MAP3K5: variants seen among roughly 807,000 people sequenced by gnomAD.
The protein encoded by MAP3K5 is mitogen-activated protein kinase kinase kinase 5.
In MAP3K5, 56 loss-of-function variants were observed where a neutral mutation model predicts 158.7. The ratio of observed to expected loss-of-function variants is 0.35; its 90% CI spans 0.28 to 0.44. MAP3K5 has a LOEUF of 0.44. MAP3K5 is among the 20% of genes least tolerant of loss of function. The pLI, the probability that MAP3K5 is intolerant of heterozygous loss-of-function variation, is 1.00. For missense variants in MAP3K5, 1,294 were observed against 1,674.8 expected (o/e 0.77, Z 3.97); for synonymous variants, 579 against 601.7 (o/e 0.96, Z 0.55).
chr6:136,642,282 C>G (rs1778017371), intron 12 of MAP3K5, among the ~76,000 whole-genome samples: 1 of 152,002 alleles, frequency 6.6e-6, no homozygotes, highest in Non-Finnish European at 1.5e-5. Context: ...CACATTGACC[C>G]CACAGTTACA....
At chr6:136,743,842 T>C (rs1782818957) in intron 1 of MAP3K5, among the ~76,000 whole-genome samples, 1 of 152,178 alleles carries the variant, frequency 6.6e-6, no homozygotes. Context: ...AGACAATTCA[T>C]TATTATTTAG....
At chr6:136,654,949 A>G (rs1394679344) in intron 10 of MAP3K5, among the ~76,000 whole-genome samples, 1 of 152,100 alleles carries the variant, frequency 6.6e-6, no homozygotes, top group Non-Finnish European at 1.5e-5. Context: ...AGGTCTTATA[A>G]GTCCTTTTCT....
At chr6:136,616,590 A>C (rs1390735966) in intron 15 of MAP3K5, among the ~76,000 whole-genome samples, 3 of 151,090 alleles carry the variant, frequency 2.0e-5, no homozygotes, top group Non-Finnish European at 4.4e-5. Flanking sequence ...TACAGCTGTG[A>C]GCCAACAAAC....
chr6:136,570,866 C>G (rs781207164), intron 25 of MAP3K5, among the ~76,000 whole-genome samples: 33 of 152,264 alleles, frequency 2.2e-4, no homozygotes, highest in Non-Finnish European at 2.8e-4. Flanking sequence ...TTTGACTACT[C>G]TAGACACCTC....
chr6:136,629,652 C>G (rs1210676028), intron 14 of MAP3K5, among the ~76,000 whole-genome samples: 9 of 152,048 alleles, frequency 5.9e-5, no homozygotes, highest in Admixed American at 5.9e-4. Context: ...GATGGGCTTT[C>G]ACCTTGTTAG....
At chr6:136,743,703 G>C (rs1373060027) in intron 1 of MAP3K5, among the ~76,000 whole-genome samples, 1 of 152,200 alleles carries the variant, frequency 6.6e-6, no homozygotes, top group African/African-American at 2.4e-5. Flanking sequence ...CCCAAATGAA[G>C]TGAATTATTA....
chr6:136,762,660 T>C (rs80109417), intron 1 of MAP3K5, among the ~76,000 whole-genome samples: 6,872 of 152,264 alleles, frequency 0.045, 533 homozygotes, highest in African/African-American at 0.16. Flanking sequence ...GAAAGTACAC[T>C]TCCTGTCCTC....
At chr6:136,658,223 C>A (rs963372262) in intron 9 of MAP3K5, among the ~76,000 whole-genome samples, 3 of 151,898 alleles carry the variant, frequency 2.0e-5, no homozygotes, top group Non-Finnish European at 4.4e-5. Flanking sequence ...TCATGGTTAG[C>A]CTTTTAAAAT....
chr6:136,622,752 A>G, intron 15 of MAP3K5, 96 bp downstream of exon 15: 5 of 1,322,586 alleles, frequency 3.8e-6, no homozygotes, highest in Middle Eastern at 2.0e-4. Flanking sequence ...AAGTTTTCAC[A>G]GTTTCATTCA....
chr6:136,717,188 A>T (rs1781567017), intron 2 of MAP3K5, among the ~76,000 whole-genome samples: 1 of 152,156 alleles, frequency 6.6e-6, no homozygotes, highest in African/African-American at 2.4e-5. Flanking sequence ...TTTCATTCTT[A>T]GTACAACAAA....
At chr6:136,756,456 C>A (rs188300111) in intron 1 of MAP3K5, among the ~76,000 whole-genome samples, 1 of 152,116 alleles carries the variant, frequency 6.6e-6, no homozygotes, top group Admixed American at 6.6e-5. Flanking sequence ...CTTTTTGTTG[C>A]TGTTGTTGTT....
At chr6:136,637,909 C>T (rs900805873) in intron 13 of MAP3K5, among the ~76,000 whole-genome samples, 1 of 152,136 alleles carries the variant, frequency 6.6e-6, no homozygotes, top group Non-Finnish European at 1.5e-5. Flanking sequence ...AACTCAGAAC[C>T]TTTCTTACCC....
At chr6:136,704,974 T>C in intron 3 of MAP3K5, 136 bp downstream of exon 3, 1 of 520,700 alleles carries the variant, frequency 1.9e-6, no homozygotes, top group Non-Finnish European at 3.4e-6. Context: ...CATATTTATA[T>C]TGATACATCA....
Position 136,593,491 on chromosome 6 carries a change from C to G in MAP3K5, c.2879-877G>C, listed in dbSNP as rs1775485865. On this transcript the variant is annotated intron_variant, in intron 21 of 29. Transcript: ENST00000359015. ...TGCCCAAGCCTCAGTCCACCAGCCA[C>G]AGTTACTTGCCAGGAGGCTGGGAAA... 3.9e-5 allele frequency among the ~76,000 whole-genome samples: 6 copies of G among 152,286 alleles called. No individual in the cohort carries two copies. The South Asian group carries it at 1.0e-3, about 26-fold the overall frequency.
intron 25 of MAP3K5, among the ~76,000 whole-genome samples, chr6:136,568,774 C>G (rs932109509): frequency 4.1e-5 from 6 of 146,582 alleles, no homozygotes; most frequent in Admixed American, 3.5e-4. Context: ...AGGAGAATCA[C>G]TTGAACCCAG....
chr6:136,719,160 A>C (rs904670976), intron 2 of MAP3K5, among the ~76,000 whole-genome samples: 3 of 152,202 alleles, frequency 2.0e-5, no homozygotes, highest in Non-Finnish European at 4.4e-5. Flanking sequence ...TGGGTGAGAG[A>C]GCGAGATCCT....
chr6:136,714,867 G>A (rs1280923713), intron 2 of MAP3K5, among the ~76,000 whole-genome samples: 3 of 152,158 alleles, frequency 2.0e-5, no homozygotes, highest in African/African-American at 7.2e-5. Flanking sequence ...ATGCTAGCCA[G>A]ATCCCAATCT....
intron 1 of MAP3K5, among the ~76,000 whole-genome samples, chr6:136,782,994 G>A (rs1351550042): frequency 6.6e-6 from 1 of 152,122 alleles, no homozygotes; most frequent in Non-Finnish European, 1.5e-5. Flanking sequence ...TTTAGCCAAA[G>A]AGAAAAACTA....
intron 8 of MAP3K5, among the ~76,000 whole-genome samples, chr6:136,666,055 A>G (rs1436702016): frequency 6.6e-6 from 1 of 152,208 alleles, no homozygotes; most frequent in East Asian, 1.9e-4. Context: ...TCATCTTGTT[A>G]TTTAGCTAAA....
Sources: gnomAD v4.1 joint callset for allele counts (sites outside exome capture counted in the v4.1 genomes callset) on GRCh38, gnomAD v4.1.1 for gene constraint, MANE v1.5 for transcripts, NCBI Gene and HGNC (gene_info 2026-07-23, HGNC 2026-07-21) for gene names.